The following COMMD10 variants were observed in gnomAD, a reference collection of about 807,000 sequenced individuals.
COMMD10 encodes COMM domain-containing protein 10.
COMMD10 carries 33 observed loss-of-function variants against 28.9 expected under a neutral mutation model. The ratio of observed to expected loss-of-function variants is 1.14; its 90% CI spans 0.87 to 1.53. COMMD10 has a LOEUF of 1.53. Ranked by LOEUF, COMMD10 falls within the 40% of genes most tolerant of loss-of-function variation. COMMD10 has a pLI of 0.00. For synonymous variants in COMMD10, 110 were observed against 81.7 expected, an observed-to-expected ratio of 1.35 and a Z score of -1.87; for missense variants, 310 against 233.4, an observed-to-expected ratio of 1.33 and a Z score of -2.14.
intron 5 of COMMD10, among the ~76,000 whole-genome samples, chr5:116,227,127 T>G (rs1749413639): frequency 6.6e-6 from 1 of 152,064 alleles, no homozygotes. Context: ...TCACTATCCT[T>G]GCCATAAATT....
intron 5 of COMMD10, among the ~76,000 whole-genome samples, chr5:116,167,754 A>G (rs1017029721): frequency 6.6e-6 from 1 of 152,218 alleles, no homozygotes; most frequent in Non-Finnish European, 1.5e-5. Context: ...TGAAGGAGAA[A>G]TAAAATCCTT....
intron 5 of COMMD10, among the ~76,000 whole-genome samples, chr5:116,245,870 C>T (rs1037969716): frequency 6.6e-6 from 1 of 152,108 alleles, no homozygotes; most frequent in African/African-American, 2.4e-5. Context: ...AAACCCACAG[C>T]CAACATCATA....
At chr5:116,093,975 C>T (rs1750386230) in intron 4 of COMMD10, among the ~76,000 whole-genome samples, 2 of 152,114 alleles carry the variant, frequency 1.3e-5, no homozygotes, top group African/African-American at 2.4e-5. Flanking sequence ...GATAACTATG[C>T]AGAAGAATGT....
In COMMD10 at chr5:116,291,579, C is replaced by G. The variant is rs376905814; in HGVS notation, c.570+3C>G. ...AGTTGTTTGATTTCTATAACAAGGT[C>G]TGTATTTTTAAAATAATTTTCTAAT... is the stretch of plus-strand genomic sequence containing the variant. On this transcript the variant is annotated splice_donor_region_variant and intron_variant, in intron 6 of 6. Coordinates refer to ENST00000274458, the MANE Select transcript of COMMD10 (RefSeq NM_016144.4). 2.1e-5 allele frequency: 32 copies of G among 1,519,178 alleles called. No individual in the cohort carries two copies. The highest frequency in any genetic ancestry group is 2.7e-5 in the Non-Finnish European group (30 of 1,112,242). 94.1% of individuals were successfully genotyped at this position (1,519,178 alleles called of 1,614,324 possible).
intron 5 of COMMD10, among the ~76,000 whole-genome samples, chr5:116,159,338 G>C (rs913408201): frequency 6.6e-6 from 1 of 152,150 alleles, no homozygotes; most frequent in Admixed American, 6.5e-5. Flanking sequence ...CATGGCATTT[G>C]CACTTTTCAT....
intron 5 of COMMD10, among the ~76,000 whole-genome samples, chr5:116,215,316 AT>A (rs1174047296): frequency 6.6e-6 from 1 of 152,218 alleles, no homozygotes; most frequent in East Asian, 1.9e-4. Context: ...ACTTCAAAAT[AT>A]TTTAAGTATT....
At position 116,167,197 on chromosome 5, in the gene COMMD10, G is replaced by T. The variant is rs1222880214; in HGVS notation, c.510+33019G>T. ...GAAAAACACAGCACAAGAACTTCAT[G>T]CAGCCTACACAAGTGTCAATAGCTG... On this transcript the variant is annotated intron_variant, in intron 5 of 6. Transcript: ENST00000274458. 2.6e-5 allele frequency among the ~76,000 whole-genome samples: 4 copies of T among 152,062 alleles called. No individual in the cohort carries two copies. In the East Asian group the frequency reaches 7.8e-4, roughly 30 times the overall value.
chr5:116,171,601 G>A (rs1753335605), intron 5 of COMMD10, among the ~76,000 whole-genome samples: 1 of 152,072 alleles, frequency 6.6e-6, no homozygotes, highest in African/African-American at 2.4e-5. Flanking sequence ...ATGATATACT[G>A]GATAAAGAAA....
At chr5:116,145,931 TC>T (rs1206679642) in intron 5 of COMMD10, among the ~76,000 whole-genome samples, 1 of 151,954 alleles carries the variant, frequency 6.6e-6, no homozygotes, top group Non-Finnish European at 1.5e-5. Context: ...TAAACCTCTT[TC>T]TTTTATAAAT....
In COMMD10 at chr5:116,112,551, C is replaced by T. The variant is rs149187387; in HGVS notation, c.399+19851C>T. Among the ~76,000 whole-genome samples the T allele has an allele frequency of 1.9e-3, 291 of 152,224 alleles. 2 individuals carry two copies. The highest frequency in any genetic ancestry group is 6.6e-3 in the African/African-American group (274 of 41,522). On this transcript the variant is annotated intron_variant, in intron 4 of 6. Coordinates refer to ENST00000274458, the MANE Select transcript of COMMD10 (RefSeq NM_016144.4). Reference sequence around the variant, plus strand: ...AGCTGTGACTGTATATAGGTGCGCGCCACCATGCACAGCTAATTTTTGTAC... The same window carrying T: ...AGCTGTGACTGTATATAGGTGCGCGTCACCATGCACAGCTAATTTTTGTAC...
chr5:116,090,029 G>A (rs1367494704), intron 2 of COMMD10, among the ~76,000 whole-genome samples: 2 of 152,174 alleles, frequency 1.3e-5, no homozygotes, highest in African/African-American at 2.4e-5. Flanking sequence ...GAGGTTTAGG[G>A]ATTTTGTTGC....
intron 5 of COMMD10, among the ~76,000 whole-genome samples, chr5:116,236,062 G>T (rs72806908): frequency 0.052 from 7,846 of 152,160 alleles, 272 homozygotes; most frequent in East Asian, 0.11. Context: ...CATATAGTTT[G>T]TTAGAAAAGG....
intron 4 of COMMD10, among the ~76,000 whole-genome samples, chr5:116,132,359 T>C (rs1174935121): frequency 6.6e-6 from 1 of 152,156 alleles, no homozygotes. Context: ...CTTGAAAGAT[T>C]GTGGCTTAGC....
chr5:116,282,394 A>G (rs1451614805), intron 5 of COMMD10, among the ~76,000 whole-genome samples: 2 of 151,932 alleles, frequency 1.3e-5, no homozygotes, highest in Non-Finnish European at 2.9e-5. Flanking sequence ...CAGTTCAGCC[A>G]GTTCTAATTC....
chr5:116,285,852 T>G (rs1751206149), intron 5 of COMMD10, among the ~76,000 whole-genome samples: 1 of 151,894 alleles, frequency 6.6e-6, no homozygotes, highest in Non-Finnish European at 1.5e-5. Context: ...TGTCTGACTT[T>G]GGAACCAGGA....
chr5:116,225,058 C>A (rs955148211), intron 5 of COMMD10, among the ~76,000 whole-genome samples: 4 of 151,994 alleles, frequency 2.6e-5, no homozygotes, highest in African/African-American at 9.7e-5. Context: ...TGTACTGATT[C>A]TTTTGCCATT....
At chr5:116,097,449 A>G (rs1212564861) in intron 4 of COMMD10, among the ~76,000 whole-genome samples, 1 of 152,200 alleles carries the variant, frequency 6.6e-6, no homozygotes, top group Non-Finnish European at 1.5e-5. Context: ...CCATGATTGT[A>G]CAGCTAAGTA....
chr5:116,111,748 C>T (rs4921065), intron 4 of COMMD10, among the ~76,000 whole-genome samples: 10,933 of 152,056 alleles, frequency 0.072, 732 homozygotes, highest in African/African-American at 0.17. Flanking sequence ...ATTTATTCTG[C>T]AGTTGTTGGA....
intron 4 of COMMD10, among the ~76,000 whole-genome samples, chr5:116,127,939 A>AT (rs1182436530): frequency 3.6e-4 from 54 of 151,926 alleles, no homozygotes; most frequent in East Asian, 3.1e-3. Flanking sequence ...AATAATAATA[A>AT]AAAAGGTGGG....
Sources: allele counts gnomAD v4.1 joint callset (sites outside exome capture counted in the v4.1 genomes callset), GRCh38; gene constraint gnomAD v4.1.1; transcripts MANE v1.5; gene names NCBI Gene and HGNC (gene_info 2026-07-23, HGNC 2026-07-21).